The following DPP10 variants were observed in gnomAD, a reference collection of about 807,000 sequenced individuals.
The protein encoded by DPP10 is inactive dipeptidyl peptidase 10.
Under a neutral mutation model 120.9 loss-of-function variants are expected in DPP10, and 33 were observed. The observed-to-expected ratio is 0.27, with a 90% confidence interval of 0.21 to 0.37. DPP10 has a LOEUF of 0.37. Ranked by LOEUF, DPP10 falls within the 10% of genes least tolerant of loss-of-function variation. The pLI, the probability that DPP10 is intolerant of heterozygous loss-of-function variation, is 1.00. For synonymous variants in DPP10, 337 were observed against 326.1 expected, an observed-to-expected ratio of 1.03 and a Z score of -0.36; for missense variants, 816 against 942.8, an observed-to-expected ratio of 0.87 and a Z score of 1.76.
intron 8 of DPP10, among the ~76,000 whole-genome samples, chr2:115,733,671 A>G: frequency 6.6e-6 from 1 of 152,064 alleles, no homozygotes; most frequent in East Asian, 1.9e-4. Flanking sequence ...GAACTGACAA[A>G]CTAAAAATGG....
At chr2:114,983,864 G>A (rs1201628087) in intron 1 of DPP10, among the ~76,000 whole-genome samples, 1 of 152,176 alleles carries the variant, frequency 6.6e-6, no homozygotes, top group Non-Finnish European at 1.5e-5. Context: ...GAGAGGTTAA[G>A]CAATTTACCT....
chr2:115,770,699 T>A (rs1681356469), intron 13 of DPP10, among the ~76,000 whole-genome samples: 1 of 152,146 alleles, frequency 6.6e-6, no homozygotes, highest in Non-Finnish European at 1.5e-5. Flanking sequence ...AAAAAAGCTA[T>A]TTATGAATTG....
chr2:115,003,187 A>AC (rs1394411787), intron 1 of DPP10, among the ~76,000 whole-genome samples: 1 of 151,412 alleles, frequency 6.6e-6, no homozygotes, highest in Non-Finnish European at 1.5e-5. Flanking sequence ...AAAAAAAAAA[A>AC]AAAAACAATG....
chr2:115,742,602 T>C (rs1677423056), intron 9 of DPP10, among the ~76,000 whole-genome samples: 1 of 152,116 alleles, frequency 6.6e-6, no homozygotes, highest in African/African-American at 2.4e-5. Flanking sequence ...TCTGTTTTGG[T>C]CCTTGTTCTT....
chr2:115,602,021 T>C (rs2083357533), intron 5 of DPP10, among the ~76,000 whole-genome samples: 1 of 152,180 alleles, frequency 6.6e-6, no homozygotes, highest in Non-Finnish European at 1.5e-5. Flanking sequence ...CTCTAAAATT[T>C]CTGTTTCTTT....
chr2:114,744,135 G>A lies in DPP10; in HGVS notation c.60+301297G>A, dbSNP rs529335011. On this transcript the variant is annotated intron_variant, in intron 1 of 25. Coordinates refer to ENST00000410059, the MANE Select transcript of DPP10 (RefSeq NM_020868.6). ...CAGAACAGTGTAAAGTTCCTGATTC[G>A]GTTGAGTAGAGGACACAGTGATTGG... is the stretch of plus-strand genomic sequence containing the variant. Among the ~76,000 whole-genome samples, 49 of 152,234 alleles carry A rather than the reference G, an allele frequency of 3.2e-4. 1 individual carries two copies. In the Middle Eastern group the frequency reaches 0.017, roughly 53 times the overall value.
chr2:115,204,098 T>C (rs551271357), intron 1 of DPP10, among the ~76,000 whole-genome samples: 1 of 147,624 alleles, frequency 6.8e-6, no homozygotes, highest in Non-Finnish European at 1.5e-5. Flanking sequence ...TTTAGGCTAC[T>C]TGTGAAGAAA....
intron 1 of DPP10, among the ~76,000 whole-genome samples, chr2:114,712,200 A>T (rs1432325562): frequency 1.3e-5 from 2 of 152,110 alleles, no homozygotes; most frequent in African/African-American, 4.8e-5. Flanking sequence ...CATGCCTGTA[A>T]TCCCAGCTAC....
chr2:115,089,367 G>T (rs6722193), intron 1 of DPP10, among the ~76,000 whole-genome samples: 120,737 of 152,042 alleles, frequency 0.79, 48,676 homozygotes, highest in Non-Finnish European at 0.88. Flanking sequence ...GACTGCCATT[G>T]GAATTTCCAA....
chr2:114,664,664 A>G (rs1001120095), intron 1 of DPP10, among the ~76,000 whole-genome samples: 13 of 151,598 alleles, frequency 8.6e-5, no homozygotes, highest in African/African-American at 3.1e-4. Context: ...AAAGAAATTC[A>G]TCTTTCTTTT....
chr2:114,899,781 C>G (rs1693388474), intron 1 of DPP10, among the ~76,000 whole-genome samples: 2 of 151,642 alleles, frequency 1.3e-5, no homozygotes, highest in Admixed American at 1.3e-4. Flanking sequence ...CATGGTGAAA[C>G]CCCGTCTCTA....
intron 7 of DPP10, among the ~76,000 whole-genome samples, chr2:115,691,218 G>T (rs2149501084): frequency 6.6e-6 from 1 of 151,446 alleles, no homozygotes; most frequent in South Asian, 2.1e-4. Context: ...CTCTCTTAAT[G>T]GATCCATTTC....
At chr2:114,878,422 T>A (rs1243471651) in intron 1 of DPP10, among the ~76,000 whole-genome samples, 2 of 152,118 alleles carry the variant, frequency 1.3e-5, no homozygotes, top group Non-Finnish European at 2.9e-5. Flanking sequence ...ATCATTTCTT[T>A]GTGTTGGGAA....
intron 5 of DPP10, among the ~76,000 whole-genome samples, chr2:115,527,523 C>T (rs1306036794): frequency 6.6e-6 from 1 of 152,076 alleles, no homozygotes; most frequent in Non-Finnish European, 1.5e-5. Flanking sequence ...GGAGGATAAA[C>T]TATTGTTCCA....
intron 13 of DPP10, among the ~76,000 whole-genome samples, chr2:115,773,432 A>G (rs906389676): frequency 1.3e-5 from 2 of 152,086 alleles, no homozygotes; most frequent in Admixed American, 6.6e-5. Flanking sequence ...TAAACACTCT[A>G]TTCCAAATTT....
chr2:115,711,004 G>T (rs569040676), intron 7 of DPP10, among the ~76,000 whole-genome samples: 189 of 152,232 alleles, frequency 1.2e-3, no homozygotes, highest in Non-Finnish European at 2.2e-3. Flanking sequence ...GGAGAATTCA[G>T]TTGGAAAAAA....
At chr2:114,734,775 A>G (rs1399271580) in intron 1 of DPP10, among the ~76,000 whole-genome samples, 5 of 152,220 alleles carry the variant, frequency 3.3e-5, no homozygotes, top group African/African-American at 1.2e-4. Flanking sequence ...TTTGCAACAG[A>G]TGGAAATACT....
intron 1 of DPP10, among the ~76,000 whole-genome samples, chr2:114,774,950 A>G (rs1354087612): frequency 6.6e-6 from 1 of 151,974 alleles, no homozygotes; most frequent in Non-Finnish European, 1.5e-5. Context: ...TCTTAGTGGT[A>G]GTTATTATTA....
At chr2:114,888,304 C>T (rs1692248985) in intron 1 of DPP10, among the ~76,000 whole-genome samples, 1 of 152,094 alleles carries the variant, frequency 6.6e-6, no homozygotes, top group Admixed American at 6.6e-5. Context: ...TGTTGATTAA[C>T]TGATTCCTAT....
Sources: gnomAD v4.1 joint callset for allele counts (sites outside exome capture counted in the v4.1 genomes callset) on GRCh38, gnomAD v4.1.1 for gene constraint, MANE v1.5 for transcripts, NCBI Gene and HGNC (gene_info 2026-07-23, HGNC 2026-07-21) for gene names.